CRHR2: variants seen among roughly 807,000 people sequenced by gnomAD.
The protein encoded by CRHR2 is corticotropin releasing hormone receptor 2, also known as corticotropin-releasing hormone receptor 2.
Under a neutral mutation model 57.9 loss-of-function variants are expected in CRHR2, and 53 were observed. The observed-to-expected ratio is 0.92, with a 90% CI of 0.73 to 1.15. The LOEUF (loss-of-function observed/expected upper bound fraction) is 1.15. Among genes scored for constraint, CRHR2 ranks in the 50% most tolerant of loss-of-function variants. The probability of loss-of-function intolerance (pLI) is 0.00; values close to 1 mark genes in which losing one functional copy is unlikely to be tolerated. For synonymous variants in CRHR2, 213 were observed against 220.9 expected (o/e 0.96, Z 0.32); for missense variants, 532 against 542.6 (o/e 0.98, Z 0.19).
chr7:30,670,571 C>CA (rs1309670992), intron 2 of CRHR2, among the ~76,000 whole-genome samples: 1 of 152,242 alleles, frequency 6.6e-6, no homozygotes, highest in Non-Finnish European at 1.5e-5. Context: ...TGGTTACAGA[C>CA]ACTGGGTATC....
intron 1 of CRHR2, among the ~76,000 whole-genome samples, chr7:30,694,993 A>C (rs1785029609): frequency 8.2e-6 from 1 of 122,450 alleles, no homozygotes. Flanking sequence ...AAGGAGGTGG[A>C]GGAGACTGGG....
At chr7:30,680,852 GTGTA>G (rs760845408) in intron 2 of CRHR2, among the ~76,000 whole-genome samples, 4 of 145,258 alleles carry the variant, frequency 2.8e-5, no homozygotes, top group Non-Finnish European at 4.6e-5. Flanking sequence ...GTGTGTGTGT[GTGTA>G]TGTGTGGTGG....
chr7:30,680,501 C>T (rs1784665387), intron 2 of CRHR2, among the ~76,000 whole-genome samples: 2 of 152,184 alleles, frequency 1.3e-5, no homozygotes, highest in South Asian at 4.1e-4. Flanking sequence ...CGGGCCCAGT[C>T]TGAATCAGGC....
intron 10 of CRHR2, 137 bp from the exon 11 acceptor site, chr7:30,655,217 G>T: frequency 1.0e-6 from 1 of 973,804 alleles, no homozygotes; most frequent in Non-Finnish European, 1.5e-6. Context: ...GCTGGGTGGG[G>T]TCCTAGCCTC....
intron 8 of CRHR2, among the ~76,000 whole-genome samples, chr7:30,660,275 T>C (rs1347577119): frequency 6.6e-6 from 1 of 152,218 alleles, no homozygotes; most frequent in Non-Finnish European, 1.5e-5. Flanking sequence ...TTTCTCAGCA[T>C]TGTACAGTGT....
At chr7:30,684,998 A>C (rs1784826282), upstream of CRHR2, among the ~76,000 whole-genome samples, 5 of 152,216 alleles carry the variant, frequency 3.3e-5, no homozygotes, top group Admixed American at 1.3e-4. Context: ...TCCCAGCTGG[A>C]GGCCAGGAAT....
At chr7:30,690,545 C>T (rs1784940936) in intron 1 of CRHR2, among the ~76,000 whole-genome samples, 2 of 152,284 alleles carry the variant, frequency 1.3e-5, no homozygotes, top group South Asian at 4.1e-4. Flanking sequence ...TCTCTTCCTG[C>T]TGCCTGTCAG....
At position 30,660,618 on chromosome 7, in the gene CRHR2, G is replaced by C. The variant is rs765062216; in HGVS notation, c.786C>G (p.Asp262Glu). 5.7e-6 allele frequency: 9 copies of C among 1,572,544 alleles called. No homozygotes were observed. The Admixed American group carries it at 1.7e-4, about 29-fold the overall frequency. The change falls in exon 8 of 12, where the codon GAC (aspartate) becomes GAG (glutamate). Residue 262 changes from aspartate to glutamate, a missense_variant. Physicochemically the swap from Asp to Glu is conservative, Grantham distance 45. Transcript: ENST00000471646. ...EQCWFGKEPG[D>E]LVDYIYQGPI... ...GGCCTTGGTAGATGTAGTCCACCAG[G>C]TCGCCAGGCTCCTTGCCAAACCAGC...
intron 2 of CRHR2, among the ~76,000 whole-genome samples, chr7:30,680,457 T>C (rs1176377178): frequency 1.3e-5 from 2 of 152,156 alleles, no homozygotes; most frequent in East Asian, 3.9e-4. Context: ...AGATGCTCCA[T>C]CACCCCACTT....
Position 30,655,940 on chromosome 7 carries a change from T to C in CRHR2, c.904A>G (p.Thr302Ala), listed in dbSNP as rs150721992. Reference sequence around the variant, plus strand: ...CCCCTCACATACCTGTACTGGATTGTCTCGGATGTGGTGGACGCGCGTAAC... The same window carrying C: ...CCCCTCACATACCTGTACTGGATTGCCTCGGATGTGGTGGACGCGCGTAAC... Reference protein sequence around the residue: ...TKLRASTTSETIQYRKAVKAT... With the variant: ...TKLRASTTSEAIQYRKAVKAT... The change falls in exon 9 of 12, where the codon ACA becomes GCA. Residue 302 changes from threonine (T) to alanine (A), a missense_variant. Transcript: ENST00000471646. 1.0e-4 allele frequency: 166 copies of C among 1,613,978 alleles called. No homozygotes were observed. In the African/African-American group the frequency reaches 1.9e-3, roughly 19 times the overall value.
chr7:30,682,697 C>T (rs868203978), upstream of CRHR2: 2 of 198,200 alleles, frequency 1.0e-5, no homozygotes, highest in Non-Finnish European at 1.8e-5. Context: ...TGACGGAATG[C>T]TCTGTGCGGG....
intron 10 of CRHR2, 69 bp downstream of exon 10, chr7:30,655,511 G>T: frequency 1.3e-6 from 2 of 1,547,152 alleles, no homozygotes; most frequent in Non-Finnish European, 1.7e-6. Context: ...CCCCCTTAGT[G>T]AGGGCATGGC....
rs1369131234 is a variant in CRHR2, at chr7:30,652,585, C to T, written c.*875G>A. 6.6e-6 allele frequency: 1 copy of T among 152,320 alleles called. No homozygotes were observed. The highest frequency in any genetic ancestry group is 2.4e-5 in the African/African-American group (1 of 41,456). 9.4% of individuals were successfully genotyped at this position (152,320 alleles called of 1,614,324 possible). A position where few individuals can be genotyped will look rare whatever the true frequency, so the allele number is the denominator to read the frequency against. The stretch of plus-strand genomic sequence containing the variant: ...ACTTGACCTGAGGGGAGGCCACTTC[C>T]AAGAGGCATGGTTTATTTCACAGAG... On this transcript the variant is annotated 3_prime_UTR_variant, in exon 12 of 12. Transcript: ENST00000471646. This position sits in a 1 kb window ranked among gnomAD's most constrained non-coding sequence, Gnocchi z 4.4.
chr7:30,662,132 C>T, intron 7 of CRHR2, 24 bp downstream of exon 7: 4 of 1,613,424 alleles, frequency 2.5e-6, no homozygotes, highest in Non-Finnish European at 3.4e-6. Context: ...CCCATGACCC[C>T]CCATGGCTGG....
rs1783671520 is a variant in CRHR2, at chr7:30,653,715, ACTGT to A, written c.1096-119_1096-116del. Reference sequence around the variant, plus strand: ...TCGACTGCCACCCTCATGACAAGGAACTGTCTGCTTCCAAAACAGGTCCTTCCCT... The same window carrying A: ...TCGACTGCCACCCTCATGACAAGGAACTGCTTCCAAAACAGGTCCTTCCCT... On this transcript the variant is annotated intron_variant, in intron 11 of 11. Transcript: ENST00000471646. This position sits in a 1 kb window ranked among gnomAD's most constrained non-coding sequence, Gnocchi z 5.0. 5 of 1,299,832 alleles carry A rather than the reference ACTGT, an allele frequency of 3.8e-6. No individual in the cohort carries two copies. Among genetic ancestry groups the A allele is most frequent in the Non-Finnish European group, 4.1e-6 (4 of 973,502 alleles). 80.5% of individuals were successfully genotyped at this position (1,299,832 alleles called of 1,614,324 possible).
At chr7:30,684,454 G>C (rs1187347186), upstream of CRHR2, among the ~76,000 whole-genome samples, 1 of 152,266 alleles carries the variant, frequency 6.6e-6, no homozygotes, top group Non-Finnish European at 1.5e-5. Flanking sequence ...GCTATGTCAA[G>C]AGGTGGTGTG....
chr7:30,674,601 C>A (rs901903023), intron 2 of CRHR2, among the ~76,000 whole-genome samples: 1 of 152,208 alleles, frequency 6.6e-6, no homozygotes, highest in Non-Finnish European at 1.5e-5. Flanking sequence ...TGAAGTAATG[C>A]AGGGAGAAGA....
At chr7:30,698,702 G>A (rs1274292785) in intron 1 of CRHR2, among the ~76,000 whole-genome samples, 3 of 152,200 alleles carry the variant, frequency 2.0e-5, no homozygotes, top group Non-Finnish European at 2.9e-5. Context: ...CCCCAGGAAG[G>A]CAGGGACCCT....
intron 2 of CRHR2, among the ~76,000 whole-genome samples, chr7:30,670,657 AG>A (rs1431297565): frequency 6.6e-6 from 1 of 152,240 alleles, no homozygotes; most frequent in Admixed American, 6.5e-5. Flanking sequence ...CTGGGCCCTC[AG>A]GCACAGCCTC....
Sources: allele counts gnomAD v4.1 joint callset (sites outside exome capture counted in the v4.1 genomes callset), GRCh38; gene constraint gnomAD v4.1.1; non-coding constraint Gnocchi (gnomAD v3.1); transcripts MANE v1.5; gene names NCBI Gene and HGNC (gene_info 2026-07-23, HGNC 2026-07-21).